The following WRN variants were observed in gnomAD, a reference collection of about 807,000 sequenced individuals.
WRN encodes the protein WRN RecQ like helicase, also known as bifunctional 3'-5' exonuclease/ATP-dependent helicase WRN.
In WRN, 149 loss-of-function variants were observed where a neutral mutation model predicts 180.7. The ratio of observed to expected loss-of-function variants is 0.82; its 90% CI spans 0.72 to 0.94. The LOEUF (loss-of-function observed/expected upper bound fraction) is 0.94. Ranked by LOEUF, WRN falls within the 40% of genes least tolerant of loss-of-function variation. WRN has a pLI of 0.00. For synonymous variants in WRN, 548 were observed against 568.9 expected (o/e 0.96, Z 0.52); for missense variants, 1,661 against 1,700.1 (o/e 0.98, Z 0.40).
intron 31 of WRN, among the ~76,000 whole-genome samples, chr8:31,153,155 A>G (rs1018921728): frequency 1.3e-5 from 2 of 152,180 alleles, no homozygotes; most frequent in Admixed American, 6.5e-5. Flanking sequence ...GTCTAGTTGT[A>G]TGCCTCATAA....
intron 28 of WRN, among the ~76,000 whole-genome samples, chr8:31,143,832 C>T (rs960396182): frequency 2.0e-5 from 3 of 151,996 alleles, no homozygotes; most frequent in Admixed American, 2.0e-4. Flanking sequence ...TACTGTTTGT[C>T]AGGCATTATG....
intron 16 of WRN, 25 bp from the exon 17 acceptor site, chr8:31,096,743 T>TTTTTTTTTTTTTTTTG: frequency 1.3e-6 from 2 of 1,558,852 alleles, no homozygotes; most frequent in Non-Finnish European, 1.7e-6. Flanking sequence ...TTTTTTTTTC[T>TTTTTTTTTTTTTTTTG]TTTTTCTTTT....
chr8:31,165,428 C>T (rs375081364), intron 33 of WRN, among the ~76,000 whole-genome samples: 1 of 152,006 alleles, frequency 6.6e-6, no homozygotes, highest in East Asian at 1.9e-4. Context: ...GCTACATATG[C>T]AATTTTAAAT....
intron 30 of WRN, among the ~76,000 whole-genome samples, chr8:31,147,760 A>G (rs189592353): frequency 1.1e-4 from 16 of 152,040 alleles, no homozygotes; most frequent in Admixed American, 3.3e-4. Flanking sequence ...CTCTTTTTGG[A>G]TTCTTTATTT....
intron 31 of WRN, among the ~76,000 whole-genome samples, chr8:31,151,866 C>T (rs1379468682): frequency 1.3e-5 from 2 of 151,532 alleles, no homozygotes; most frequent in Middle Eastern, 3.4e-3. Context: ...GTTTATTAAG[C>T]AAGTTTTGTT....
At chr8:31,076,132 T>C in intron 7 of WRN, 41 bp from the exon 8 acceptor site, 1 of 1,487,856 alleles carries the variant, frequency 6.7e-7, no homozygotes, top group African/African-American at 1.4e-5. Context: ...ATATCTCTGC[T>C]TTGTGGTTTG....
intron 18 of WRN, among the ~76,000 whole-genome samples, chr8:31,101,973 T>C (rs1410245306): frequency 1.3e-5 from 2 of 152,078 alleles, no homozygotes; most frequent in Non-Finnish European, 2.9e-5. Context: ...GTACCTTTCA[T>C]CCAGTTTCCT....
chr8:31,085,165 G>A lies in WRN; in HGVS notation c.1351-1G>A, dbSNP rs1170732591. On this transcript the variant is annotated splice_acceptor_variant, in intron 10 of 34. Coordinates refer to ENST00000298139, the MANE Select transcript of WRN (RefSeq NM_000553.6). LOFTEE classifies it high-confidence loss of function. ...TTAATGCTTAATACTTTTTTTTAAA[G>A]CATTTATCTCCCAATGATAATGAAA... 12 of 1,612,386 alleles carry A rather than the reference G, an allele frequency of 7.4e-6. No homozygotes were observed. The Admixed American group carries it at 8.3e-5, about 11-fold the overall frequency.
At chr8:31,043,141 C>T (rs1329465386) in intron 1 of WRN, among the ~76,000 whole-genome samples, 2 of 152,212 alleles carry the variant, frequency 1.3e-5, no homozygotes, top group Admixed American at 6.5e-5. Context: ...TTATTCTTGG[C>T]CCTCTTCTAT....
At chr8:31,073,658 G>C (rs527238011) in intron 7 of WRN, among the ~76,000 whole-genome samples, 23 of 152,294 alleles carry the variant, frequency 1.5e-4, no homozygotes, top group African/African-American at 5.3e-4. Context: ...ATGAAATAAA[G>C]AGTAGGTGTG....
At chr8:31,141,842 TA>T in intron 26 of WRN, 67 bp downstream of exon 26, 2 of 1,451,418 alleles carry the variant, frequency 1.4e-6, no homozygotes, top group Non-Finnish European at 1.9e-6. Context: ...ATTCAAATTA[TA>T]CCAGTTTATA....
chr8:31,089,972 AT>A, intron 13 of WRN, among the ~76,000 whole-genome samples: 1 of 151,934 alleles, frequency 6.6e-6, no homozygotes, highest in East Asian at 1.9e-4. Context: ...CGAGTTAAAT[AT>A]TTACTTAACA....
rs1220299951 is a variant in WRN at position 31,080,849 on chromosome 8, T to C, written c.840-18T>C. ...ATGCAATTGAAGTTGAATTAATCTT[T>C]CTTAATTTTTTTTTTAGGGTTTCTA... On this transcript the variant is annotated intron_variant, in intron 8 of 34. Coordinates refer to ENST00000298139, the MANE Select transcript of WRN (RefSeq NM_000553.6). 1.9e-6 allele frequency: 3 copies of C among 1,577,952 alleles called. No homozygotes were observed. Among genetic ancestry groups the C allele is most frequent in the African/African-American group, 1.4e-5 (1 of 73,494 alleles).
At chr8:31,062,916 A>C (rs1361416789) in intron 3 of WRN, among the ~76,000 whole-genome samples, 2 of 151,910 alleles carry the variant, frequency 1.3e-5, no homozygotes, top group Middle Eastern at 6.9e-3. Flanking sequence ...ATGCAGCCTC[A>C]ACCTTATGGG....
intron 33 of WRN, among the ~76,000 whole-genome samples, chr8:31,165,127 A>G (rs1803801377): frequency 6.6e-6 from 1 of 152,204 alleles, no homozygotes; most frequent in East Asian, 1.9e-4. Context: ...TTAGAAATAA[A>G]GTGATTCAAA....
At chr8:31,063,867 G>A (rs991374911) in intron 3 of WRN, among the ~76,000 whole-genome samples, 14 of 152,132 alleles carry the variant, frequency 9.2e-5, no homozygotes, top group Non-Finnish European at 1.8e-4. Flanking sequence ...GGGACTACAG[G>A]TGTGTGCCAC....
intron 7 of WRN, among the ~76,000 whole-genome samples, chr8:31,071,510 C>G (rs1181171924): frequency 6.6e-6 from 1 of 152,042 alleles, no homozygotes; most frequent in African/African-American, 2.4e-5. Flanking sequence ...TTTTTTGAGT[C>G]TCACTCTGTC....
chr8:31,062,676 G>T (rs1334441771), intron 3 of WRN, among the ~76,000 whole-genome samples: 2 of 151,920 alleles, frequency 1.3e-5, no homozygotes, highest in African/African-American at 4.8e-5. Flanking sequence ...GCCCCCCAAA[G>T]TGCTGGGATT....
At chr8:31,143,036 C>CAT (rs1423627781) in intron 27 of WRN, among the ~76,000 whole-genome samples, 1 of 81,646 alleles carries the variant, frequency 1.2e-5, no homozygotes, top group Non-Finnish European at 2.4e-5. Context: ...CACACACACA[C>CAT]ACACACACAC....
Sources: allele counts gnomAD v4.1 joint callset (sites outside exome capture counted in the v4.1 genomes callset), GRCh38; gene constraint gnomAD v4.1.1; transcripts MANE v1.5; gene names NCBI Gene and HGNC (gene_info 2026-07-23, HGNC 2026-07-21).